The following EHBP1 variants were observed in gnomAD, a reference collection of about 807,000 sequenced individuals.
EHBP1 encodes EH domain-binding protein 1.
A neutral mutation model predicts 144.0 loss-of-function variants in EHBP1; 55 were observed. The observed-to-expected ratio is 0.38, with a 90% confidence interval of 0.31 to 0.48. The LOEUF (loss-of-function observed/expected upper bound fraction) is 0.48, where lower values mean the gene tolerates loss of function less well. EHBP1 is among the 20% of genes least tolerant of loss of function. The pLI, the probability that EHBP1 is intolerant of heterozygous loss-of-function variation, is 0.98. For synonymous variants in EHBP1, 469 were observed against 472.7 expected, an observed-to-expected ratio of 0.99 and a Z score of 0.10; for missense variants, 1,200 against 1,364.2, an observed-to-expected ratio of 0.88 and a Z score of 1.90.
intron 3 of EHBP1, among the ~76,000 whole-genome samples, chr2:62,760,774 C>T (rs1164827501): frequency 1.3e-5 from 2 of 152,178 alleles, no homozygotes; most frequent in African/African-American, 4.8e-5. Flanking sequence ...GTCATGGAGT[C>T]TGGGCTCTCC....
intron 5 of EHBP1, among the ~76,000 whole-genome samples, chr2:62,817,244 T>A (rs1558723346): frequency 6.6e-6 from 1 of 152,254 alleles, no homozygotes; most frequent in East Asian, 1.9e-4. Flanking sequence ...AAATGTGTAT[T>A]GGGAGTGTGG....
chr2:62,903,973 A>G (rs1276998996), intron 10 of EHBP1, among the ~76,000 whole-genome samples: 6 of 152,134 alleles, frequency 3.9e-5, no homozygotes, highest in Admixed American at 3.3e-4. Context: ...CACCAGCACC[A>G]CCAAATCTAA....
At chr2:62,870,144 G>C (rs2050346033) in intron 9 of EHBP1, among the ~76,000 whole-genome samples, 1 of 152,106 alleles carries the variant, frequency 6.6e-6, no homozygotes, top group South Asian at 2.1e-4. Context: ...TAATAATAAG[G>C]CTCCTTTGAT....
At chr2:62,929,051 T>G (rs1056385799) in intron 10 of EHBP1, among the ~76,000 whole-genome samples, 1 of 152,046 alleles carries the variant, frequency 6.6e-6, no homozygotes, top group Admixed American at 6.6e-5. Flanking sequence ...ATAGAAAATA[T>G]GCATAGAGCT....
At chr2:62,946,218 C>A (rs1472633746) in intron 12 of EHBP1, among the ~76,000 whole-genome samples, 1 of 152,160 alleles carries the variant, frequency 6.6e-6, no homozygotes, top group East Asian at 1.9e-4. Flanking sequence ...TAGGGAATCT[C>A]AGTAAGGCTT....
intron 21 of EHBP1, among the ~76,000 whole-genome samples, chr2:63,041,419 A>G (rs1437126340): frequency 6.6e-6 from 1 of 152,096 alleles, no homozygotes; most frequent in African/African-American, 2.4e-5. Flanking sequence ...TGGTATGTTC[A>G]TTTTCTGCAC....
Position 62,922,827 on chromosome 2 carries a change from G to A in EHBP1, c.1186-19891G>A, listed in dbSNP as rs73937314. Among the ~76,000 whole-genome samples the A allele has an allele frequency of 1.6e-3, 250 of 152,250 alleles. 1 individual carries two copies. Among genetic ancestry groups the A allele is most frequent in the African/African-American group, 5.6e-3 (234 of 41,544 alleles). Reference sequence around the variant, plus strand: ...CCATTCCTTAGGATTTAATCAACCTGGAGTCAGGAGAGAACTTCTTGTTGT... The same window carrying A: ...CCATTCCTTAGGATTTAATCAACCTAGAGTCAGGAGAGAACTTCTTGTTGT... On this transcript the variant is annotated intron_variant, in intron 10 of 22. Transcript: ENST00000431489.
At chr2:62,981,469 T>C (rs2058968488) in intron 15 of EHBP1, among the ~76,000 whole-genome samples, 1 of 152,196 alleles carries the variant, frequency 6.6e-6, no homozygotes, top group Non-Finnish European at 1.5e-5. Flanking sequence ...ATCTATTTTT[T>C]GTTTTTCCCA....
chr2:62,973,980 G>C (rs1469405479), intron 14 of EHBP1, among the ~76,000 whole-genome samples: 1 of 152,142 alleles, frequency 6.6e-6, no homozygotes, highest in East Asian at 1.9e-4. Flanking sequence ...TTGCACTCCA[G>C]CCCAGGTAAC....
intron 5 of EHBP1, among the ~76,000 whole-genome samples, chr2:62,773,048 A>C (rs2041786758): frequency 6.6e-6 from 1 of 152,224 alleles, no homozygotes; most frequent in African/African-American, 2.4e-5. Context: ...AAGCATTTGA[A>C]ATACATTAAC....
chr2:62,790,454 G>A (rs2152450791), intron 5 of EHBP1, among the ~76,000 whole-genome samples: 1 of 152,206 alleles, frequency 6.6e-6, no homozygotes, highest in East Asian at 1.9e-4. Flanking sequence ...TTATTAGTCA[G>A]ATGCTTGTTG....
chr2:62,708,828 G>C (rs1037297148), intron 2 of EHBP1, among the ~76,000 whole-genome samples: 2 of 152,160 alleles, frequency 1.3e-5, no homozygotes, highest in Admixed American at 6.5e-5. Flanking sequence ...AGAAACATGG[G>C]AGGCTTACCT....
intron 15 of EHBP1, among the ~76,000 whole-genome samples, chr2:62,988,371 G>A (rs1323546795): frequency 6.6e-6 from 1 of 151,878 alleles, no homozygotes; most frequent in South Asian, 2.1e-4. Flanking sequence ...GATGTCAGAA[G>A]GTATATATTC....
At chr2:62,858,472 C>G (rs141072822) in intron 7 of EHBP1, 3 of 1,611,784 alleles carry the variant, frequency 1.9e-6, no homozygotes, top group East Asian at 2.2e-5. Context: ...ATAAAGCAAG[C>G]AAATATGCGT....
At chr2:62,956,028 T>C (rs1384660847) in intron 14 of EHBP1, 1 of 157,318 alleles carries the variant, frequency 6.4e-6, no homozygotes, top group Non-Finnish European at 1.4e-5. Flanking sequence ...TATTATTTAT[T>C]GAATACCTAC....
chr2:62,873,550 T>G (rs932577032), intron 9 of EHBP1, among the ~76,000 whole-genome samples: 21 of 152,052 alleles, frequency 1.4e-4, no homozygotes, highest in African/African-American at 5.1e-4. Flanking sequence ...CAGAAGAGGC[T>G]ATCAAAGAGA....
intron 5 of EHBP1, among the ~76,000 whole-genome samples, chr2:62,824,773 T>G (rs1484162134): frequency 6.6e-6 from 1 of 152,024 alleles, no homozygotes; most frequent in East Asian, 1.9e-4. Flanking sequence ...CATTTTTACT[T>G]GTTTCGCTGG....
intron 21 of EHBP1, 157 bp from the exon 22 acceptor site, chr2:63,044,906 TCAC>T: frequency 1.7e-6 from 1 of 591,394 alleles, no homozygotes; most frequent in East Asian, 2.8e-5. Context: ...GAGGAAGCCT[TCAC>T]CACAACAGCC....
At chr2:62,878,678 A>G (rs1284939363) in intron 10 of EHBP1, among the ~76,000 whole-genome samples, 1 of 152,188 alleles carries the variant, frequency 6.6e-6, no homozygotes, top group Non-Finnish European at 1.5e-5. Context: ...AAATCAGTAA[A>G]TGTGATCCAT....
Sources: allele counts gnomAD v4.1 joint callset (sites outside exome capture counted in the v4.1 genomes callset), GRCh38; gene constraint gnomAD v4.1.1; transcripts MANE v1.5; gene names NCBI Gene and HGNC (gene_info 2026-07-23, HGNC 2026-07-21).